Variants in APBB2 observed in about 807,000 individuals in gnomAD.
APBB2 encodes amyloid beta precursor protein binding family B member 2.
APBB2 carries 38 observed loss-of-function variants against 82.5 expected under a neutral mutation model. That is an observed-to-expected ratio of 0.46 (90% CI 0.36 to 0.60). APBB2 has a LOEUF of 0.60. Ranked by LOEUF, APBB2 falls within the 20% of genes least tolerant of loss-of-function variation. The pLI, the probability that APBB2 is intolerant of heterozygous loss-of-function variation, is 0.00. For synonymous variants in APBB2, 341 were observed against 368.2 expected (o/e 0.93, Z 0.85); for missense variants, 772 against 972.3 (o/e 0.79, Z 2.74).
intron 12 of APBB2, among the ~76,000 whole-genome samples, chr4:40,854,790 C>CAACAAAAAAA: frequency 8.0e-6 from 1 of 124,822 alleles, no homozygotes; most frequent in Non-Finnish European, 1.6e-5. Flanking sequence ...AGTCCATCTC[C>CAACAAAAAAA]AAAAAAAAAA....
intron 12 of APBB2, among the ~76,000 whole-genome samples, chr4:40,840,962 G>T (rs537206575): frequency 5.3e-5 from 8 of 152,142 alleles, no homozygotes; most frequent in Non-Finnish European, 8.8e-5. Context: ...ACATCCACAT[G>T]CACAGCCCTC....
At chr4:40,833,036 G>C (rs1752588579) in intron 12 of APBB2, among the ~76,000 whole-genome samples, 1 of 152,188 alleles carries the variant, frequency 6.6e-6, no homozygotes, top group East Asian at 1.9e-4. Context: ...TTCCCATCCA[G>C]CCTCAACCAC....
intron 1 of APBB2, among the ~76,000 whole-genome samples, chr4:41,188,588 C>T (rs1436814808): frequency 6.6e-6 from 1 of 152,158 alleles, no homozygotes; most frequent in East Asian, 1.9e-4. Context: ...TCTGCCAGCA[C>T]CTTCATCTCG....
At chr4:40,821,345 C>T (rs1006462778) in intron 17 of APBB2, among the ~76,000 whole-genome samples, 2 of 152,188 alleles carry the variant, frequency 1.3e-5, no homozygotes, top group Admixed American at 6.5e-5. Context: ...TGTCACTTAC[C>T]GACAAGCCCT....
Position 41,117,595 on chromosome 4 carries a change from AATT to A in APBB2, c.-260-16848_-260-16846del, listed in dbSNP as rs1399653383. 2.0e-5 allele frequency among the ~76,000 whole-genome samples: 3 copies of A among 152,002 alleles called. No homozygotes were observed. The East Asian group carries it at 5.8e-4, about 29-fold the overall frequency. On this transcript the variant is annotated intron_variant, in intron 2 of 17. Coordinates refer to ENST00000508593, the MANE Select transcript of APBB2 (RefSeq NM_004307.2). ...CGTGAGGCACCACGCCTGGCCTAGG[AATT>A]ATTATCATCTTCTTTTCACAGGTGA...
At chr4:41,015,206 C>G (rs1315695699) in intron 5 of APBB2, among the ~76,000 whole-genome samples, 1 of 152,182 alleles carries the variant, frequency 6.6e-6, no homozygotes, top group Non-Finnish European at 1.5e-5. Flanking sequence ...AACTATCTGG[C>G]AACCGCATTT....
intron 10 of APBB2, among the ~76,000 whole-genome samples, chr4:40,922,189 C>A (rs1781434026): frequency 6.6e-6 from 1 of 152,206 alleles, no homozygotes; most frequent in African/African-American, 2.4e-5. Flanking sequence ...AACAGAAATC[C>A]AACTTGCAGT....
chr4:40,972,889 C>G (rs1349475981), intron 6 of APBB2, among the ~76,000 whole-genome samples: 1 of 152,188 alleles, frequency 6.6e-6, no homozygotes, highest in African/African-American at 2.4e-5. Context: ...ACAGTGAGTG[C>G]TTAATAAGAA....
chr4:40,847,731 C>T (rs1008465829), intron 12 of APBB2, among the ~76,000 whole-genome samples: 15 of 151,720 alleles, frequency 9.9e-5, no homozygotes, highest in Non-Finnish European at 2.1e-4. Flanking sequence ...TGTGCCAGTT[C>T]AAAGGAGTAC....
chr4:41,119,729 C>G (rs1752235077), intron 2 of APBB2, among the ~76,000 whole-genome samples: 1 of 151,690 alleles, frequency 6.6e-6, no homozygotes, highest in Non-Finnish European at 1.5e-5. Flanking sequence ...TCAACTGTAA[C>G]AAGAGACTCC....
intron 2 of APBB2, among the ~76,000 whole-genome samples, chr4:41,142,371 A>G (rs1395961046): frequency 6.6e-6 from 1 of 151,332 alleles, no homozygotes; most frequent in Admixed American, 6.6e-5. Flanking sequence ...TTAAACACCT[A>G]TGTTTTTCAG....
intron 12 of APBB2, among the ~76,000 whole-genome samples, chr4:40,843,190 G>A (rs952745567): frequency 3.9e-5 from 6 of 152,322 alleles, no homozygotes; most frequent in African/African-American, 1.4e-4. Context: ...ATGGAGCACT[G>A]GATAGATAAC....
intron 3 of APBB2, among the ~76,000 whole-genome samples, chr4:41,099,847 G>C (rs901538208): frequency 2.6e-5 from 4 of 152,106 alleles, no homozygotes; most frequent in Non-Finnish European, 5.9e-5. Flanking sequence ...ACATGCTAGA[G>C]AGGATATTTG....
At chr4:41,096,718 C>T (rs981223754) in intron 3 of APBB2, among the ~76,000 whole-genome samples, 17 of 152,124 alleles carry the variant, frequency 1.1e-4, no homozygotes, top group Non-Finnish European at 2.1e-4. Flanking sequence ...AACTATATTC[C>T]TAACTTATTT....
intron 6 of APBB2, among the ~76,000 whole-genome samples, chr4:40,958,072 C>G (rs1287119283): frequency 6.6e-6 from 1 of 152,110 alleles, no homozygotes. Context: ...TAGAAGGAAA[C>G]TCTGTATTTG....
At chr4:41,110,638 T>TG (rs1015653645) in intron 2 of APBB2, among the ~76,000 whole-genome samples, 2 of 151,918 alleles carry the variant, frequency 1.3e-5, no homozygotes, top group African/African-American at 4.8e-5. Context: ...TTTTTATCCT[T>TG]ATCATGTACT....
intron 6 of APBB2, among the ~76,000 whole-genome samples, chr4:41,001,378 C>A (rs1219026869): frequency 6.6e-6 from 1 of 152,176 alleles, no homozygotes; most frequent in Non-Finnish European, 1.5e-5. Flanking sequence ...CACAACAAAA[C>A]CAGCTTCTCC....
At chr4:40,938,732 GA>G (rs931426201) in intron 7 of APBB2, among the ~76,000 whole-genome samples, 2 of 152,154 alleles carry the variant, frequency 1.3e-5, no homozygotes, top group Non-Finnish European at 2.9e-5. Flanking sequence ...GGGTAGAGAG[GA>G]AAAGCACTAA....
chr4:40,827,053 A>G, intron 14 of APBB2, 79 bp downstream of exon 14: 1 of 1,317,360 alleles, frequency 7.6e-7, no homozygotes. Context: ...TTGAAATACC[A>G]GAGAACCATC....
Sources: gnomAD v4.1 joint callset for allele counts (sites outside exome capture counted in the v4.1 genomes callset) on GRCh38, gnomAD v4.1.1 for gene constraint, MANE v1.5 for transcripts, NCBI Gene and HGNC (gene_info 2026-07-23, HGNC 2026-07-21) for gene names.